Variants in RIMS2 observed in about 807,000 individuals in gnomAD.
RIMS2 encodes the protein regulating synaptic membrane exocytosis protein 2.
RIMS2 carries 59 observed loss-of-function variants against 174.4 expected under a neutral mutation model. The observed-to-expected ratio is 0.34, with a 90% CI of 0.27 to 0.42. The LOEUF (loss-of-function observed/expected upper bound fraction) is 0.42. Among genes scored for constraint, RIMS2 ranks in the 10% least tolerant of loss-of-function variants. The probability of loss-of-function intolerance (pLI) is 1.00; values close to 1 mark genes in which losing one functional copy is unlikely to be tolerated. For missense variants in RIMS2, 1,620 were observed against 1,666.3 expected (o/e 0.97, Z 0.48); for synonymous variants, 606 against 572.5 (o/e 1.06, Z -0.84).
intron 19 of RIMS2, among the ~76,000 whole-genome samples, chr8:104,214,780 CTGA>C (rs1311561211): frequency 6.6e-6 from 1 of 152,164 alleles, no homozygotes; most frequent in African/African-American, 2.4e-5. Flanking sequence ...TGGGAATCAG[CTGA>C]TGATGACTTG....
chr8:104,093,337 G>T, intron 19 of RIMS2, 134 bp from the exon 24 acceptor site: 1 of 578,566 alleles, frequency 1.7e-6, no homozygotes, highest in Non-Finnish European at 2.9e-6. Flanking sequence ...ATTCACTTTT[G>T]TTTTATATGC....
chr8:104,054,140 A>G (rs1362420721), intron 19 of RIMS2, among the ~76,000 whole-genome samples: 1 of 152,164 alleles, frequency 6.6e-6, no homozygotes. Context: ...ATGTCTCTCC[A>G]TCTAATTCTC....
At chr8:103,749,498 C>A (rs1393887199) in intron 2 of RIMS2, among the ~76,000 whole-genome samples, 3 of 151,808 alleles carry the variant, frequency 2.0e-5, no homozygotes, top group Non-Finnish European at 4.4e-5. Flanking sequence ...TTTTTTGGTA[C>A]ATAGTAGGTG....
intron 17 of RIMS2, among the ~76,000 whole-genome samples, chr8:103,996,379 T>A (rs985511201): frequency 1.6e-4 from 24 of 151,958 alleles, no homozygotes; most frequent in Non-Finnish European, 3.1e-4. Context: ...ACAATGAACA[T>A]ATGTTTTCCT....
At chr8:103,616,280 C>G (rs1489840337) in intron 1 of RIMS2, among the ~76,000 whole-genome samples, 3 of 152,132 alleles carry the variant, frequency 2.0e-5, no homozygotes, top group Non-Finnish European at 1.5e-5. Context: ...ACATGATTGT[C>G]TCAATAGATG....
intron 1 of RIMS2, among the ~76,000 whole-genome samples, chr8:103,537,927 C>T (rs2469982): frequency 0.61 from 92,397 of 151,752 alleles, 28,777 homozygotes; most frequent in Non-Finnish European, 0.67. Flanking sequence ...CCATGTGATA[C>T]ATTTTGGTTA....
At chr8:103,967,076 TGAA>T (rs370416997) in intron 15 of RIMS2, among the ~76,000 whole-genome samples, 51 of 151,956 alleles carry the variant, frequency 3.4e-4, no homozygotes, top group African/African-American at 1.2e-3. Flanking sequence ...TTTTTGATGA[TGAA>T]GTAGTCCATA....
chr8:103,533,869 C>G (rs1379033246), intron 1 of RIMS2, among the ~76,000 whole-genome samples: 1 of 152,136 alleles, frequency 6.6e-6, no homozygotes, highest in African/African-American at 2.4e-5. Context: ...TCACTAGTGT[C>G]AACAGTGAAC....
At position 104,194,708 on chromosome 8, in the gene RIMS2, G is replaced by A. The variant is rs75667727; in HGVS notation, c.3335-50208G>A. Among the ~76,000 whole-genome samples the A allele has an allele frequency of 5.3e-3, 812 of 152,236 alleles. 4 individuals carry two copies. Among genetic ancestry groups the A allele is most frequent in the African/African-American group, 0.018 (749 of 41,544 alleles). On this transcript the variant is annotated intron_variant, in intron 19 of 23. Transcript: ENST00000504942. ...ATTATATAACATAGTGTTTAATACT[G>A]TTTGGTAGAGGCAGACTCCAGATGG... is the stretch of plus-strand genomic sequence containing the variant.
chr8:104,099,736 A>G (rs1176596730), intron 19 of RIMS2, among the ~76,000 whole-genome samples: 1 of 152,156 alleles, frequency 6.6e-6, no homozygotes, highest in Non-Finnish European at 1.5e-5. Context: ...CTTCTAATCC[A>G]TGAGCACAAA....
chr8:103,670,259 A>C (rs1434626370), intron 1 of RIMS2, among the ~76,000 whole-genome samples: 1 of 152,246 alleles, frequency 6.6e-6, no homozygotes, highest in Non-Finnish European at 1.5e-5. Flanking sequence ...TGCACGCAGC[A>C]GGGGGACCCT....
chr8:103,649,093 A>G (rs1201465150), intron 1 of RIMS2, among the ~76,000 whole-genome samples: 2 of 152,012 alleles, frequency 1.3e-5, no homozygotes, highest in African/African-American at 2.4e-5. Flanking sequence ...TTTCTTTTCC[A>G]TATTTAGTGC....
At chr8:103,555,577 T>A (rs1850047856) in intron 1 of RIMS2, among the ~76,000 whole-genome samples, 1 of 152,130 alleles carries the variant, frequency 6.6e-6, no homozygotes, top group African/African-American at 2.4e-5. Context: ...ATGTTCATTG[T>A]GGCATTATTC....
At chr8:104,078,652 C>T (rs1403236623) in intron 19 of RIMS2, among the ~76,000 whole-genome samples, 4 of 152,204 alleles carry the variant, frequency 2.6e-5, no homozygotes, top group African/African-American at 4.8e-5. Flanking sequence ...GTCTATAACA[C>T]ATCTCTACAA....
chr8:104,171,890 G>A (rs777964754), intron 19 of RIMS2, among the ~76,000 whole-genome samples: 19 of 151,884 alleles, frequency 1.3e-4, no homozygotes, highest in East Asian at 1.9e-4. Context: ...TTTGATTCTC[G>A]GATATTTTAT....
At chr8:103,502,379 T>G (rs1247535565) in intron 1 of RIMS2, among the ~76,000 whole-genome samples, 1 of 152,184 alleles carries the variant, frequency 6.6e-6, no homozygotes, top group Non-Finnish European at 1.5e-5. Flanking sequence ...CATCAAATAT[T>G]CACAAATCTT....
chr8:104,016,704 G>A (rs1019646441), intron 19 of RIMS2, among the ~76,000 whole-genome samples: 1 of 152,046 alleles, frequency 6.6e-6, no homozygotes, highest in African/African-American at 2.4e-5. Context: ...GGCATTTAAA[G>A]TCAGAAACTA....
intron 1 of RIMS2, among the ~76,000 whole-genome samples, chr8:103,656,264 A>T (rs2096530322): frequency 1.3e-5 from 2 of 152,150 alleles, no homozygotes; most frequent in South Asian, 4.1e-4. Flanking sequence ...TTGGAGGTAT[A>T]AACTAAAACT....
At chr8:103,569,839 C>T (rs1325917643) in intron 1 of RIMS2, among the ~76,000 whole-genome samples, 2 of 146,342 alleles carry the variant, frequency 1.4e-5, no homozygotes, top group Non-Finnish European at 3.0e-5. Flanking sequence ...TCTGGTCTTT[C>T]GCAGGCTGGT....
Sources: gnomAD v4.1 joint callset for allele counts (sites outside exome capture counted in the v4.1 genomes callset) on GRCh38, gnomAD v4.1.1 for gene constraint, MANE v1.5 for transcripts, NCBI Gene and HGNC (gene_info 2026-07-23, HGNC 2026-07-21) for gene names.